Variants in NF1 observed in about 807,000 individuals in gnomAD.
The protein encoded by NF1 is neurofibromin 1.
Under a neutral mutation model 325.7 loss-of-function variants are expected in NF1, and 122 were observed. That is an observed-to-expected ratio of 0.37 (90% CI 0.32 to 0.44). The LOEUF (loss-of-function observed/expected upper bound fraction) is 0.44. Ranked by LOEUF, NF1 falls within the 20% of genes least tolerant of loss-of-function variation. The pLI, the probability that NF1 is intolerant of heterozygous loss-of-function variation, is 1.00. For missense variants in NF1, 2,140 were observed against 3,415.4 expected, an observed-to-expected ratio of 0.63 and a Z score of 9.31; for synonymous variants, 1,091 against 1,186.0, an observed-to-expected ratio of 0.92 and a Z score of 1.65.
At chr17:31,307,439 A>G (rs9807077) in intron 36 of NF1, among the ~76,000 whole-genome samples, 73,442 of 152,090 alleles carry the variant, frequency 0.48, 22,216 homozygotes, top group African/African-American at 0.86. Flanking sequence ...AAGTCTATAA[A>G]AACTAATTAA....
At chr17:31,332,425 C>T (rs1046633828) in intron 39 of NF1, among the ~76,000 whole-genome samples, 26 of 152,090 alleles carry the variant, frequency 1.7e-4, no homozygotes, top group African/African-American at 6.0e-4. Flanking sequence ...GATCACTCCA[C>T]TGCACTCCAG....
In NF1 at chr17:31,138,088, G is replaced by A. The variant is rs181832628; in HGVS notation, c.61-17895G>A. On this transcript the variant is annotated intron_variant, in intron 1 of 57. Coordinates refer to ENST00000358273, the MANE Select transcript of NF1 (RefSeq NM_001042492.3). ...ACTCTTCAAGTCTGGAAAACTTCTT[G>A]TGTTATTCTCTGGCAACGTCTTCCT... 1.1e-4 allele frequency: 17 copies of A among 151,914 alleles called. No individual in the cohort carries two copies. The East Asian group carries it at 3.3e-3, about 29-fold the overall frequency. 9.4% of individuals were successfully genotyped at this position (151,914 alleles called of 1,614,324 possible).
At chr17:31,272,494 T>C (rs1198815011) in intron 36 of NF1, 4 of 152,114 alleles carry the variant, frequency 2.6e-5, no homozygotes, top group East Asian at 1.9e-4. Flanking sequence ...TAGTTGTGGC[T>C]CTTTGGGGTC....
rs2151430704 is a variant in NF1 at position 31,229,920 on chromosome 17, G to A, written c.2936G>A (p.Ser979Asn). 1 of 1,611,822 alleles carries A rather than the reference G, an allele frequency of 6.2e-7. No individual in the cohort carries two copies. The highest frequency in any genetic ancestry group is 8.5e-7 in the Non-Finnish European group (1 of 1,179,720). ...TTGCTAGATAATCATACTGAAGGCA[G>A]CTCTGAACATCTAGGGCAAGCTAGC... ...KNLLDNHTEG[S>N]SEHLGQASIE... The change falls in exon 22 of 58, where the codon AGC (serine) becomes AAC (asparagine). Residue 979 changes from serine (S) to asparagine (N), a missense_variant. By Grantham distance (46) the Ser-to-Asn change is conservative (BLOSUM62 1). Transcript: ENST00000358273.
chr17:31,167,798 T>C (rs2065869487), intron 4 of NF1, among the ~76,000 whole-genome samples: 1 of 152,198 alleles, frequency 6.6e-6, no homozygotes, highest in Non-Finnish European at 1.5e-5. Flanking sequence ...ACATATTTGT[T>C]AAGTGTTAAA....
rs1555536044 is a variant in NF1 at position 31,349,259 on chromosome 17, C to T, written c.7321+8C>T. ...GCGTGGCCTACTTAGCAGGTAAAAA[C>T]ACAAAATAAACAAAATTAATCTTGC... On this transcript the variant is annotated splice_region_variant and intron_variant, in intron 49 of 57. Transcript: ENST00000358273. 1.2e-6 allele frequency: 2 copies of T among 1,611,096 alleles called. No homozygotes were observed. The highest frequency in any genetic ancestry group is 1.7e-6 in the Non-Finnish European group (2 of 1,179,260).
At position 31,273,998 on chromosome 17, in the gene NF1, A is replaced by G. The variant is rs73275641; in HGVS notation, c.4835+8659A>G. ...TGCGTTTTCCTTAGAACATCTGTAC[A>G]TATGTTTATAGGGCAGTTTCTACCC... On this transcript the variant is annotated intron_variant, in intron 36 of 57. Coordinates refer to ENST00000358273, the MANE Select transcript of NF1 (RefSeq NM_001042492.3). 7.8e-3 allele frequency among the ~76,000 whole-genome samples: 1,194 copies of G among 152,294 alleles called. 20 individuals are homozygous for G. The highest frequency in any genetic ancestry group is 0.028 in the African/African-American group (1,143 of 41,562).
intron 36 of NF1, chr17:31,307,983 T>G (rs758066732): frequency 8.3e-7 from 1 of 1,202,148 alleles, no homozygotes; most frequent in South Asian, 1.3e-5. Context: ...AGAAAAGATA[T>G]GTGATTTTTT....
intron 29 of NF1, among the ~76,000 whole-genome samples, chr17:31,242,259 G>A (rs953477376): frequency 2.0e-5 from 3 of 147,262 alleles, no homozygotes; most frequent in Admixed American, 6.8e-5. Flanking sequence ...TAACCTTCCT[G>A]GACTTGAATA....
At chr17:31,296,186 A>G in intron 36 of NF1, 1 of 1,613,700 alleles carries the variant, frequency 6.2e-7, no homozygotes, top group South Asian at 1.1e-5. Flanking sequence ...TCCAGATGGT[A>G]ATGTAGACAA....
At chr17:31,113,940 T>G (rs1029910371) in intron 1 of NF1, among the ~76,000 whole-genome samples, 4 of 152,244 alleles carry the variant, frequency 2.6e-5, no homozygotes, top group Non-Finnish European at 5.9e-5. Flanking sequence ...ATAATTGTAT[T>G]GATTTCTGGG....
chr17:31,369,058 A>T (rs1299927547), intron 57 of NF1, among the ~76,000 whole-genome samples: 1 of 152,142 alleles, frequency 6.6e-6, no homozygotes, highest in Non-Finnish European at 1.5e-5. Flanking sequence ...ATTTTTCCTT[A>T]GCTTTTCAAG....
At chr17:31,181,670 C>T (rs1321066960) in intron 6 of NF1, 40 bp from the exon 7 acceptor site, 5 of 1,469,084 alleles carry the variant, frequency 3.4e-6, no homozygotes, top group Middle Eastern at 3.6e-4. Flanking sequence ...TACTGTATTA[C>T]AAAAAATCAC....
At chr17:31,305,591 T>C in intron 36 of NF1, 1 of 1,612,744 alleles carries the variant, frequency 6.2e-7, no homozygotes, top group Non-Finnish European at 8.5e-7. Context: ...AAAATTAAGA[T>C]GAAATATTTG....
intron 11 of NF1, among the ~76,000 whole-genome samples, chr17:31,202,493 T>C (rs1392955240): frequency 2.0e-5 from 3 of 152,222 alleles, no homozygotes; most frequent in Admixed American, 2.0e-4. Flanking sequence ...TATTTGGTGA[T>C]ACATTTAATT....
intron 25 of NF1, 91 bp from the exon 26 acceptor site, chr17:31,232,609 A>G (rs1346904495): frequency 1.6e-6 from 2 of 1,242,740 alleles, no homozygotes; most frequent in Admixed American, 1.8e-5. Context: ...GGCCATTCAC[A>G]CCATGCACAT....
intron 1 of NF1, among the ~76,000 whole-genome samples, chr17:31,128,267 C>T (rs1284190665): frequency 6.6e-6 from 1 of 151,884 alleles, no homozygotes; most frequent in Non-Finnish European, 1.5e-5. Flanking sequence ...GTTGTTGCTT[C>T]TTTATTGAGC....
chr17:31,192,005 G>T (rs1176994742), intron 8 of NF1, among the ~76,000 whole-genome samples: 1 of 152,112 alleles, frequency 6.6e-6, no homozygotes, highest in Admixed American at 6.5e-5. Flanking sequence ...ATTCAGAGCA[G>T]TAATCCTACA....
At chr17:31,226,358 C>G (rs1285305008) in intron 17 of NF1, 77 bp from the exon 18 acceptor site, 19 of 1,529,542 alleles carry the variant, frequency 1.2e-5, no homozygotes, top group African/African-American at 2.8e-5. Flanking sequence ...CACACACACA[C>G]AGTTTATTGC....
Sources: gnomAD v4.1 joint callset for allele counts (sites outside exome capture counted in the v4.1 genomes callset) on GRCh38, gnomAD v4.1.1 for gene constraint, MANE v1.5 for transcripts, NCBI Gene and HGNC (gene_info 2026-07-23, HGNC 2026-07-21) for gene names.